The following SLC37A1 variants were observed in gnomAD, a reference collection of about 807,000 sequenced individuals.
SLC37A1 encodes solute carrier family 37 member 1.
In SLC37A1, 49 loss-of-function variants were observed where a neutral mutation model predicts 75.3. The ratio of observed to expected loss-of-function variants is 0.65; its 90% confidence interval spans 0.52 to 0.83. The LOEUF is 0.83. Ranked by LOEUF, SLC37A1 falls within the 40% of genes least tolerant of loss-of-function variation. The pLI is 0.00. For synonymous variants in SLC37A1, 268 were observed against 292.1 expected, an observed-to-expected ratio of 0.92 and a Z score of 0.84; for missense variants, 566 against 695.0, an observed-to-expected ratio of 0.81 and a Z score of 2.09.
chr21:42,558,419 C>G (rs1302255955), intron 10 of SLC37A1, among the ~76,000 whole-genome samples: 2 of 152,166 alleles, frequency 1.3e-5, no homozygotes, highest in African/African-American at 2.4e-5. Flanking sequence ...ATAATTCCAC[C>G]ACTCGCTGAC....
chr21:42,568,300 G>A, intron 16 of SLC37A1, 60 bp from the exon 17 acceptor site: 2 of 1,366,642 alleles, frequency 1.5e-6, no homozygotes, highest in Non-Finnish European at 2.1e-6. Flanking sequence ...TCATACAGAG[G>A]CTTAGGTTTA....
chr21:42,510,180 A>G (rs1009121626), upstream of SLC37A1, among the ~76,000 whole-genome samples: 1 of 152,156 alleles, frequency 6.6e-6, no homozygotes, highest in Non-Finnish European at 1.5e-5. Context: ...GGCACACACT[A>G]CCACGCCCAG....
At chr21:42,559,875 CAAAA>C (rs35483329) in intron 11 of SLC37A1, among the ~76,000 whole-genome samples, 1 of 127,786 alleles carries the variant, frequency 7.8e-6, no homozygotes, top group African/African-American at 3.0e-5. Flanking sequence ...GACTCTGTCT[CAAAA>C]AAAAAAAAAA....
chr21:42,515,924 C>A (rs1481100092), intron 1 of SLC37A1, among the ~76,000 whole-genome samples: 2 of 152,064 alleles, frequency 1.3e-5, no homozygotes, highest in Non-Finnish European at 2.9e-5. Context: ...ACGCCCAGCT[C>A]TTTTGTGTAT....
In SLC37A1 at chr21:42,543,618, C is replaced by T. The variant is rs1370065651; in HGVS notation, c.730+16C>T. ...CTCATTGAACGTAAGTGCACGTGGC[C>T]TTGGAGACCACCCACCAAGGGAGGC... On this transcript the variant is annotated intron_variant, in intron 8 of 19. Coordinates refer to ENST00000352133, the MANE Select transcript of SLC37A1 (RefSeq NM_001320537.2). 1.9e-6 allele frequency: 3 copies of T among 1,572,608 alleles called. No homozygotes were observed. The highest frequency in any genetic ancestry group is 2.6e-6 in the Non-Finnish European group (3 of 1,158,200).
chr21:42,559,515 TG>T (rs1434118714), intron 11 of SLC37A1, among the ~76,000 whole-genome samples: 1 of 152,196 alleles, frequency 6.6e-6, no homozygotes, highest in Non-Finnish European at 1.5e-5. Context: ...CGTGAGCCCA[TG>T]GGAGGCGCTG....
At chr21:42,510,966 T>A (rs1259509944), upstream of SLC37A1, among the ~76,000 whole-genome samples, 1 of 152,134 alleles carries the variant, frequency 6.6e-6, no homozygotes, top group Non-Finnish European at 1.5e-5. Flanking sequence ...AAGGAAACAG[T>A]GAACCTGAAT....
chr21:42,555,361 A>G (rs74791061), intron 10 of SLC37A1, among the ~76,000 whole-genome samples: 21,508 of 152,186 alleles, frequency 0.14, 2,191 homozygotes, highest in African/African-American at 0.28. Flanking sequence ...CAGCATGTGT[A>G]AGGGGCTGCT....
intron 13 of SLC37A1, 68 bp downstream of exon 13, chr21:42,563,945 C>G (rs1601756178): frequency 6.4e-7 from 1 of 1,551,950 alleles, no homozygotes. Context: ...TGAGTTGATT[C>G]ACTGCTCAGG....
intron 5 of SLC37A1, among the ~76,000 whole-genome samples, chr21:42,538,394 T>C (rs931918269): frequency 2.0e-5 from 3 of 152,266 alleles, no homozygotes; most frequent in Admixed American, 2.0e-4. Flanking sequence ...AGATCTTTTT[T>C]ACTTGGTGAA....
At position 42,559,018 on chromosome 21, in the gene SLC37A1, G is replaced by T. The variant is rs764995596; in HGVS notation, c.910G>T (p.Val304Phe). 1 of 1,613,654 alleles carries T rather than the reference G, an allele frequency of 6.2e-7. No homozygotes were observed. Among genetic ancestry groups the T allele is most frequent in the Non-Finnish European group, 8.5e-7 (1 of 1,179,882 alleles). Residue 304 changes from valine (V) to phenylalanine (F), a missense_variant, in exon 11 of 20, where the codon GTC becomes TTC. Physicochemically the swap from Val to Phe is conservative, Grantham distance 50 (BLOSUM62 -1). Transcript: ENST00000352133. ...GAAGGGCTCCATCCACCCGAACCAC[G>T]TCGTCATTCTCCCCGGGGACGGTGG... Reference protein sequence around the residue: ...DGKGSIHPNHVVILPGDGGSG... With the variant: ...DGKGSIHPNHFVILPGDGGSG...
At chr21:42,542,551 A>G in intron 7 of SLC37A1, 71 bp downstream of exon 7, 1 of 1,468,364 alleles carries the variant, frequency 6.8e-7, no homozygotes, top group Non-Finnish European at 9.5e-7. Flanking sequence ...TTTTCTGTAG[A>G]CTGATTACAG....
rs377395384 is a variant in SLC37A1 at position 42,542,430 on chromosome 21, C to T, written c.513C>T (p.Thr171=). The T allele has an allele frequency of 9.3e-6, 15 of 1,613,736 alleles. No individual in the cohort carries two copies. The highest frequency in any genetic ancestry group is 8.0e-5 in the African/African-American group (6 of 74,910). ...TCATCAACGGGCTGGTGCAGACCAC[C>T]GGCTGGCCCAGCGTCGTCACCTGCC... The part of the protein sequence containing the change: ...TQVINGLVQT[T]GWPSVVTCLG... The change falls in exon 7 of 20, where the codon ACC becomes ACT. Residue 171 remains threonine, a synonymous_variant. Coordinates refer to ENST00000352133, the MANE Select transcript of SLC37A1 (RefSeq NM_001320537.2).
intron 10 of SLC37A1, among the ~76,000 whole-genome samples, chr21:42,556,567 C>T (rs982496344): frequency 6.6e-6 from 1 of 152,238 alleles, no homozygotes; most frequent in Non-Finnish European, 1.5e-5. Flanking sequence ...GTAGAGGGAA[C>T]CCTTTTCTCT....
At chr21:42,564,223 CAAAA>C (rs59155326) in intron 13 of SLC37A1, among the ~76,000 whole-genome samples, 1 of 79,980 alleles carries the variant, frequency 1.3e-5, no homozygotes, top group East Asian at 3.2e-4. Context: ...CCCCTCTCTA[CAAAA>C]AAAAAAAAAA....
chr21:42,551,949 G>A (rs1448441487), intron 9 of SLC37A1, among the ~76,000 whole-genome samples: 1 of 152,142 alleles, frequency 6.6e-6, no homozygotes, highest in African/African-American at 2.4e-5. Context: ...CCTGGGGTGT[G>A]TTTCACGTGT....
chr21:42,558,761 C>A (rs1167361777), intron 10 of SLC37A1, among the ~76,000 whole-genome samples, 197 bp from the exon 11 acceptor site: 1 of 152,094 alleles, frequency 6.6e-6, no homozygotes, highest in African/African-American at 2.4e-5. Flanking sequence ...ATCTGTGTAC[C>A]TAGCCGTTCA....
At chr21:42,563,627 G>A (rs1470989283) in intron 12 of SLC37A1, among the ~76,000 whole-genome samples, 188 bp from the exon 13 acceptor site, 1 of 152,208 alleles carries the variant, frequency 6.6e-6, no homozygotes, top group Non-Finnish European at 1.5e-5. Flanking sequence ...ACGGTTTTTG[G>A]TTAAGAGTGT....
chr21:42,575,819 C>A (rs1421723329), intron 18 of SLC37A1: 1 of 985,398 alleles, frequency 1.0e-6, no homozygotes, highest in East Asian at 1.1e-4. Context: ...TACCGACTCT[C>A]AACCTATGAA....
Sources: gnomAD v4.1 joint callset for allele counts (sites outside exome capture counted in the v4.1 genomes callset) on GRCh38, gnomAD v4.1.1 for gene constraint, MANE v1.5 for transcripts, NCBI Gene and HGNC (gene_info 2026-07-23, HGNC 2026-07-21) for gene names.